Variants in MGAT4C observed in about 807,000 individuals in gnomAD.
MGAT4C encodes the protein alpha-1,3-mannosyl-glycoprotein 4-beta-N-acetylglucosaminyltransferase C.
Under a neutral mutation model 40.1 loss-of-function variants are expected in MGAT4C, and 19 were observed. The ratio of observed to expected loss-of-function variants is 0.47; its 90% confidence interval spans 0.33 to 0.70. The LOEUF is 0.70. MGAT4C is among the 30% of genes least tolerant of loss of function. The probability of loss-of-function intolerance (pLI) is 0.02; values close to 1 mark genes in which losing one functional copy is unlikely to be tolerated. For synonymous variants in MGAT4C, 181 were observed against 187.1 expected (o/e 0.97, Z 0.27); for missense variants, 491 against 563.2 (o/e 0.87, Z 1.30).
chr12:86,216,883 C>T lies in MGAT4C; in HGVS notation c.-57+39356G>A, dbSNP rs58614190. ...ATAAGCTCATGTTATCTTTGTATTA[C>T]AAATTTTTTTTCAGGAAGAAAAATA... is the stretch of plus-strand genomic sequence containing the variant. On this transcript the variant is annotated intron_variant, in intron 1 of 4. Transcript: ENST00000611864. Among the ~76,000 whole-genome samples the T allele has an allele frequency of 1.2e-3, 187 of 152,206 alleles. 1 individual carries two copies. The highest frequency in any genetic ancestry group is 4.2e-3 in the African/African-American group (176 of 41,546).
intron 2 of MGAT4C, among the ~76,000 whole-genome samples, chr12:86,678,343 T>G (rs1464680704): frequency 6.6e-6 from 1 of 152,112 alleles, no homozygotes; most frequent in Non-Finnish European, 1.5e-5. Flanking sequence ...ATTTGTCATT[T>G]CTACCTTCAT....
intron 1 of MGAT4C, among the ~76,000 whole-genome samples, chr12:86,191,651 ACACACACACACACACAC>A (rs1889477526): frequency 8.4e-6 from 1 of 118,490 alleles, no homozygotes; most frequent in African/African-American, 4.8e-5. Flanking sequence ...ACACACACAC[ACACACACACACACACAC>A]ACACACCCTT....
intron 2 of MGAT4C, among the ~76,000 whole-genome samples, chr12:86,048,006 G>A (rs923732345): frequency 1.3e-5 from 2 of 151,818 alleles, no homozygotes; most frequent in African/African-American, 2.4e-5. Context: ...AACACAGAGT[G>A]TAAATAGAAT....
At chr12:86,490,218 G>A (rs549638809) in intron 2 of MGAT4C, among the ~76,000 whole-genome samples, 93 of 152,172 alleles carry the variant, frequency 6.1e-4, no homozygotes, top group African/African-American at 2.0e-3. Context: ...GACTAACAGC[G>A]GATCTCTCGG....
chr12:86,398,616 G>A (rs2136234284), intron 3 of MGAT4C, among the ~76,000 whole-genome samples: 1 of 151,924 alleles, frequency 6.6e-6, no homozygotes, highest in Middle Eastern at 3.4e-3. Context: ...TTATGATGAT[G>A]TTTGGGTGCT....
chr12:86,465,309 G>A (rs553925571), intron 2 of MGAT4C, among the ~76,000 whole-genome samples: 1 of 152,176 alleles, frequency 6.6e-6, no homozygotes, highest in African/African-American at 2.4e-5. Context: ...AAATGACCTT[G>A]GGTATGGTGA....
chr12:85,995,736 T>C (rs1230481352), intron 2 of MGAT4C, among the ~76,000 whole-genome samples: 1 of 152,030 alleles, frequency 6.6e-6, no homozygotes, highest in African/African-American at 2.4e-5. Flanking sequence ...CGTGTGTTGG[T>C]ATACATCTGT....
intron 1 of MGAT4C, among the ~76,000 whole-genome samples, chr12:86,784,709 G>T: frequency 6.6e-6 from 1 of 151,440 alleles, no homozygotes; most frequent in East Asian, 1.9e-4. Flanking sequence ...ACAAAGAGTA[G>T]CCCTGAAGGA....
chr12:86,076,698 C>G (rs1030231722), intron 1 of MGAT4C, among the ~76,000 whole-genome samples: 1 of 152,126 alleles, frequency 6.6e-6, no homozygotes. Flanking sequence ...CATCAGATCT[C>G]GTGAGTCTTA....
At chr12:86,664,968 C>T (rs1274681502) in intron 2 of MGAT4C, among the ~76,000 whole-genome samples, 1 of 151,916 alleles carries the variant, frequency 6.6e-6, no homozygotes, top group Non-Finnish European at 1.5e-5. Flanking sequence ...GTATCAGTAT[C>T]CCTCATTTTA....
chr12:86,020,324 G>A (rs1207780907), intron 2 of MGAT4C, among the ~76,000 whole-genome samples: 3 of 152,070 alleles, frequency 2.0e-5, no homozygotes, highest in Non-Finnish European at 4.4e-5. Context: ...TACTGGCTAT[G>A]GGTTTGTCAT....
intron 2 of MGAT4C, among the ~76,000 whole-genome samples, chr12:86,451,736 T>C (rs947532188): frequency 1.3e-5 from 2 of 152,130 alleles, no homozygotes; most frequent in Non-Finnish European, 2.9e-5. Context: ...TTCATTCTTT[T>C]AAAATAAGAT....
At chr12:86,364,604 C>T (rs771374241) in intron 3 of MGAT4C, among the ~76,000 whole-genome samples, 2 of 152,072 alleles carry the variant, frequency 1.3e-5, no homozygotes, top group Non-Finnish European at 2.9e-5. Flanking sequence ...AAAATTCACC[C>T]CCGATATTTC....
intron 2 of MGAT4C, among the ~76,000 whole-genome samples, chr12:86,508,049 T>C (rs191933975): frequency 4.1e-4 from 62 of 151,900 alleles, no homozygotes; most frequent in Non-Finnish European, 8.1e-4. Context: ...TGTGTGTCTT[T>C]AATATTTTTT....
intron 1 of MGAT4C, among the ~76,000 whole-genome samples, chr12:86,137,965 AGGCTACAGTTG>A (rs937519443): frequency 2.6e-5 from 4 of 152,198 alleles, no homozygotes; most frequent in Non-Finnish European, 5.9e-5. Flanking sequence ...CTAAGGAAGC[AGGCTACAGTTG>A]GGATTTTCCC....
At chr12:86,130,878 A>T (rs923421221) in intron 1 of MGAT4C, among the ~76,000 whole-genome samples, 1 of 152,022 alleles carries the variant, frequency 6.6e-6, no homozygotes, top group African/African-American at 2.4e-5. Context: ...CTACCTAACC[A>T]TTATAATTAT....
chr12:86,008,402 CT>C (rs1888114909), intron 2 of MGAT4C, among the ~76,000 whole-genome samples: 1 of 151,748 alleles, frequency 6.6e-6, no homozygotes, highest in Non-Finnish European at 1.5e-5. Flanking sequence ...ATAATTTTAT[CT>C]TTTTTCTATT....
chr12:86,394,616 T>TTATATATATATATA (rs71076194), intron 3 of MGAT4C, among the ~76,000 whole-genome samples: 6 of 135,472 alleles, frequency 4.4e-5, no homozygotes, highest in Non-Finnish European at 7.8e-5. Context: ...TATATATACT[T>TTATATATATATATA]TATATATATA....
At chr12:86,543,007 CCTAAGT>C (rs1348147140) in intron 2 of MGAT4C, among the ~76,000 whole-genome samples, 6 of 152,006 alleles carry the variant, frequency 3.9e-5, no homozygotes, top group Non-Finnish European at 8.8e-5. Context: ...TTAATATATT[CCTAAGT>C]CTAACTAGAC....
Sources: gnomAD v4.1 joint callset for allele counts (sites outside exome capture counted in the v4.1 genomes callset) on GRCh38, gnomAD v4.1.1 for gene constraint, MANE v1.5 for transcripts, NCBI Gene and HGNC (gene_info 2026-07-23, HGNC 2026-07-21) for gene names.